The following BANF2 variants were observed in gnomAD, a reference collection of about 807,000 sequenced individuals.
BANF2 encodes BANF family member 2, also known as barrier-to-autointegration factor-like protein.
In BANF2, 4 loss-of-function variants were observed where a neutral mutation model predicts 8.0. The ratio of observed to expected loss-of-function variants is 0.50; its 90% CI spans 0.25 to 1.14. The LOEUF is 1.14. Among genes scored for constraint, BANF2 ranks in the 50% most tolerant of loss-of-function variants. The pLI, the probability that BANF2 is intolerant of heterozygous loss-of-function variation, is 0.16. For missense variants in BANF2, 96 were observed against 107.5 expected, an observed-to-expected ratio of 0.89 and a Z score of 0.47; for synonymous variants, 50 against 40.6, an observed-to-expected ratio of 1.23 and a Z score of -0.88.
chr20:17,714,255 A>G (rs1328706866), intron 1 of BANF2, among the ~76,000 whole-genome samples: 1 of 152,084 alleles, frequency 6.6e-6, no homozygotes, highest in African/African-American at 2.4e-5. Context: ...GTGAAAAAAA[A>G]TACATCTATT....
intron 3 of BANF2, among the ~76,000 whole-genome samples, chr20:17,730,639 C>T (rs1361701993): frequency 1.3e-5 from 2 of 152,200 alleles, no homozygotes; most frequent in Non-Finnish European, 2.9e-5. Context: ...TCCGTTACTT[C>T]GTGGCCACTG....
intron 3 of BANF2, among the ~76,000 whole-genome samples, chr20:17,734,714 G>A (rs768674143): frequency 1.2e-4 from 18 of 152,182 alleles, no homozygotes; most frequent in Non-Finnish European, 7.4e-5. Flanking sequence ...CAGGGGTGCT[G>A]CTGAACATCC....
At chr20:17,695,408 T>A (rs973024715), upstream of BANF2, among the ~76,000 whole-genome samples, 4 of 128,484 alleles carry the variant, frequency 3.1e-5, no homozygotes, top group Admixed American at 9.1e-5. Context: ...TTCACAAACC[T>A]GCACTCCAGC....
intron 1 of BANF2, among the ~76,000 whole-genome samples, chr20:17,704,765 A>G (rs557011700): frequency 1.3e-5 from 2 of 152,326 alleles, no homozygotes; most frequent in African/African-American, 2.4e-5. Flanking sequence ...GATTGATTGG[A>G]GCACATATGG....
intron 2 of BANF2, among the ~76,000 whole-genome samples, chr20:17,724,018 C>G (rs779738315): frequency 5.3e-5 from 8 of 152,036 alleles, no homozygotes; most frequent in Non-Finnish European, 8.8e-5. Flanking sequence ...AAACAAAAAA[C>G]TGGAAGATGG....
intron 1 of BANF2, among the ~76,000 whole-genome samples, chr20:17,722,003 T>C (rs1001965826): frequency 4.6e-5 from 7 of 152,130 alleles, no homozygotes; most frequent in African/African-American, 1.7e-4. Context: ...TCCTTCCCCC[T>C]CTCCCAGGTG....
intron 3 of BANF2, among the ~76,000 whole-genome samples, chr20:17,726,920 T>C (rs1335628854): frequency 1.3e-5 from 2 of 152,240 alleles, no homozygotes; most frequent in African/African-American, 4.8e-5. Context: ...GCCGCTACCA[T>C]AGTCAAGACA....
intron 1 of BANF2, among the ~76,000 whole-genome samples, chr20:17,719,671 G>A (rs1323839636): frequency 2.8e-5 from 4 of 142,864 alleles, no homozygotes; most frequent in Non-Finnish European, 6.0e-5. Flanking sequence ...TTGAAGTAAA[G>A]ATCCCTTTTT....
chr20:17,722,657 A>C (rs947312516), intron 1 of BANF2, 59 bp from the exon 2 acceptor site: 14 of 889,350 alleles, frequency 1.6e-5, no homozygotes, highest in Middle Eastern at 5.7e-4. Context: ...TGTGGATTTA[A>C]GACCCACAGA....
chr20:17,717,186 A>C (rs2037666900), intron 1 of BANF2, among the ~76,000 whole-genome samples: 1 of 152,162 alleles, frequency 6.6e-6, no homozygotes, highest in African/African-American at 2.4e-5. Context: ...TGACTCCATC[A>C]GTGCAGAGGT....
At chr20:17,716,630 G>A (rs1199125490) in intron 1 of BANF2, among the ~76,000 whole-genome samples, 3 of 151,318 alleles carry the variant, frequency 2.0e-5, no homozygotes, top group Non-Finnish European at 4.4e-5. Context: ...TTGGGAGGCC[G>A]AGGAGGGTGG....
At chr20:17,712,455 C>A in intron 1 of BANF2, 1 of 884,104 alleles carries the variant, frequency 1.1e-6, no homozygotes, top group Non-Finnish European at 1.4e-6. Context: ...CACCAAGTCC[C>A]ATGCACCATT....
chr20:17,714,145 C>T (rs564170620), intron 1 of BANF2, among the ~76,000 whole-genome samples: 4 of 130,426 alleles, frequency 3.1e-5, no homozygotes, highest in South Asian at 4.7e-4. Context: ...TGTAGTGAGC[C>T]GAGATTGTAC....
At chr20:17,708,151 C>T (rs1249353733) in intron 1 of BANF2, among the ~76,000 whole-genome samples, 1 of 151,838 alleles carries the variant, frequency 6.6e-6, no homozygotes, top group East Asian at 1.9e-4. Context: ...CACTTGAAAC[C>T]AGGATGCAGA....
At chr20:17,709,431 G>C (rs1349777849) in intron 1 of BANF2, among the ~76,000 whole-genome samples, 1 of 152,212 alleles carries the variant, frequency 6.6e-6, no homozygotes, top group Non-Finnish European at 1.5e-5. Flanking sequence ...ATTCTGTCCA[G>C]CAAAGAACAG....
chr20:17,727,498 A>G (rs1454826338), intron 3 of BANF2, among the ~76,000 whole-genome samples: 1 of 151,994 alleles, frequency 6.6e-6, no homozygotes, highest in African/African-American at 2.4e-5. Context: ...GGCAGGGAGG[A>G]GGCTTAGACT....
At chr20:17,708,366 T>C (rs1653141748) in intron 1 of BANF2, among the ~76,000 whole-genome samples, 1 of 152,230 alleles carries the variant, frequency 6.6e-6, no homozygotes, top group South Asian at 2.1e-4. Context: ...AACCGTGGCA[T>C]GGCTTTGTTT....
Position 17,710,370 on chromosome 20 carries a change from T to C in BANF2, c.-167+10315T>C, listed in dbSNP as rs191398684. Among the ~76,000 whole-genome samples the C allele has an allele frequency of 2.7e-3, 415 of 152,258 alleles. 1 individual carries two copies. The highest frequency in any genetic ancestry group is 4.7e-3 in the Non-Finnish European group (318 of 68,020). ...TCATCACTGCCTTTTACTAGATAGG[T>C]GGCCCCCTTTGCCTCTTCGGGCCTC... On this transcript the variant is annotated intron_variant, in intron 1 of 3. Transcript: ENST00000246090.
At chr20:17,719,969 G>A (rs1283095239) in intron 1 of BANF2, among the ~76,000 whole-genome samples, 3 of 152,154 alleles carry the variant, frequency 2.0e-5, no homozygotes, top group Non-Finnish European at 2.9e-5. Flanking sequence ...AGGACAAGAC[G>A]TGGTTCTCCA....
Sources: gnomAD v4.1 joint callset for allele counts (sites outside exome capture counted in the v4.1 genomes callset) on GRCh38, gnomAD v4.1.1 for gene constraint, MANE v1.5 for transcripts, NCBI Gene and HGNC (gene_info 2026-07-23, HGNC 2026-07-21) for gene names.